PXDN: variants seen among roughly 807,000 people sequenced by gnomAD.
PXDN encodes peroxidasin.
A neutral mutation model predicts 140.3 loss-of-function variants in PXDN; 77 were observed. The observed-to-expected ratio is 0.55, with a 90% CI of 0.46 to 0.66. The LOEUF is 0.66. Among genes scored for constraint, PXDN ranks in the 30% least tolerant of loss-of-function variants. The pLI is 0.00. For missense variants in PXDN, 1,838 were observed against 2,039.5 expected (o/e 0.90, Z 1.90); for synonymous variants, 911 against 857.4 (o/e 1.06, Z -1.09).
At position 1,744,387 on chromosome 2, in the gene PXDN, C is replaced by T. The variant is rs995355920; in HGVS notation, c.69G>A (p.Gly23=). 6.6e-7 allele frequency: 1 copy of T among 1,526,132 alleles called. No individual in the cohort carries two copies. Among genetic ancestry groups the T allele is most frequent in the Non-Finnish European group, 8.7e-7 (1 of 1,143,250 alleles). The allele number at this position is 1,526,132 out of a possible 1,614,324, so 94.5% of individuals were successfully genotyped here. Residue 23 remains glycine (G), a synonymous_variant, in exon 1 of 23, where the codon GGG becomes GGA. Transcript: ENST00000252804. The stretch of plus-strand genomic sequence containing the variant: ...GCTTCTGGGCCACCACGGCCAGCGT[C>T]CCCCAGGCGCAGAACAGCACGAGCG... ...LLALVLFCAW[G]TLAVVAQKPG... is the part of the protein sequence containing the mutation.
chr2:1,639,404 T>G lies in PXDN; in HGVS notation c.3971A>C (p.Gln1324Pro), dbSNP rs1682661167. ...GAAATGATAGGAAAAGGCATTGAAC[T>G]GCCCCCTGGTCCTACAGTCTAAAAT... ...DCCEDCRTRGQFNAFSYHFRG... is the reference protein window; with the variant it reads ...DCCEDCRTRGPFNAFSYHFRG... Residue 1324 changes from glutamine (Q) to proline (P), a missense_variant, in exon 20 of 23, where the codon CAG (glutamine) becomes CCG (proline). Around this residue, in one of 5 missense-constraint regions of PXDN, gnomAD observed 850 missense variants for 894.1 expected, o/e 0.95. Coordinates refer to ENST00000252804, the MANE Select transcript of PXDN (RefSeq NM_012293.3). This position sits in a 1 kb window ranked among gnomAD's most constrained non-coding sequence, Gnocchi z 5.0. The G allele has an allele frequency of 6.2e-7, 1 of 1,613,876 alleles. No homozygotes were observed. The highest frequency in any genetic ancestry group is 8.5e-7 in the Non-Finnish European group (1 of 1,179,880).
rs73178782 is a variant in PXDN at position 1,647,051 on chromosome 2, C to G, written c.3608+1121G>C. On this transcript the variant is annotated intron_variant, in intron 17 of 22. Transcript: ENST00000252804. ...CTGGGATTACAGGCGCCTGCCACCA[C>G]GCCCAGCTAATTTTTGTAGTTTTTA... Among the ~76,000 whole-genome samples, 1,227 of 152,060 alleles carry G rather than the reference C, an allele frequency of 8.1e-3. 67 individuals carry two copies. The East Asian group carries it at 0.13, about 16-fold the overall frequency.
At chr2:1,726,631 G>A (rs1685192193) in intron 1 of PXDN, among the ~76,000 whole-genome samples, 1 of 152,082 alleles carries the variant, frequency 6.6e-6, no homozygotes, top group African/African-American at 2.4e-5. Flanking sequence ...GCCCATTTTA[G>A]CAAGCTTGTT....
In PXDN at chr2:1,698,460, G is replaced by A. The variant is rs139562110; in HGVS notation, c.201-5326C>T. Among the ~76,000 whole-genome samples, 115 of 152,246 alleles carry A rather than the reference G, an allele frequency of 7.6e-4. 1 individual carries two copies. Among genetic ancestry groups the A allele is most frequent in the African/African-American group, 2.6e-3 (110 of 41,548 alleles). ...CTGGGGAAATGGTCGAGCACACTAA[G>A]GCACAGCACATGAAGGTGGCTGACT... On this transcript the variant is annotated intron_variant, in intron 1 of 22. Coordinates refer to ENST00000252804, the MANE Select transcript of PXDN (RefSeq NM_012293.3).
chr2:1,645,636 C>T (rs760877583), intron 17 of PXDN, among the ~76,000 whole-genome samples: 3 of 152,196 alleles, frequency 2.0e-5, no homozygotes, highest in Non-Finnish European at 4.4e-5. Flanking sequence ...AGCATTTAGT[C>T]TTTCAAAGAC....
intron 7 of PXDN, among the ~76,000 whole-genome samples, chr2:1,679,854 CGT>C (rs1464411092): frequency 4.0e-5 from 4 of 99,816 alleles, no homozygotes; most frequent in African/African-American, 1.4e-4. Context: ...TGTGTATGTG[CGT>C]GTGTGTGGTT....
Position 1,718,134 on chromosome 2 carries a change from C to G in PXDN, c.201-25000G>C, listed in dbSNP as rs1233295642. ...CCAACTACCCAACCACTCTACTAAC[C>G]TACTCTGCTAACCGACCACCCAAAG... On this transcript the variant is annotated intron_variant, in intron 1 of 22. Coordinates refer to ENST00000252804, the MANE Select transcript of PXDN (RefSeq NM_012293.3). Among the ~76,000 whole-genome samples the G allele has an allele frequency of 2.6e-5, 4 of 151,446 alleles. No homozygotes were observed. The East Asian group carries it at 7.8e-4, about 30-fold the overall frequency.
intron 7 of PXDN, 38 bp downstream of exon 7, chr2:1,680,155 T>G: frequency 1.3e-6 from 2 of 1,512,168 alleles, no homozygotes. Context: ...GTAGATGGTG[T>G]GAGTGTGTGG....
intron 1 of PXDN, among the ~76,000 whole-genome samples, chr2:1,743,145 A>C (rs1685586175): frequency 6.6e-6 from 1 of 152,100 alleles, no homozygotes; most frequent in Non-Finnish European, 1.5e-5. Flanking sequence ...CCTGCAGCGA[A>C]CTCTGGCGGC....
rs1333696003 is a variant in PXDN, at chr2:1,744,357, G to A, written c.99C>T (p.Gly33=). The change falls in exon 1 of 23, where the codon GGC becomes GGT. Residue 33 remains glycine (G), a synonymous_variant. Transcript: ENST00000252804. ...GTLAVVAQKP[G]AGCPSRCLCF... is the part of the protein sequence containing the mutation. ...ACAGGCAGCGGCTCGGACACCCTGC[G>A]CCCGGCTTCTGGGCCACCACGGCCA... 3 of 1,527,166 alleles carry A rather than the reference G, an allele frequency of 2.0e-6. No individual in the cohort carries two copies. The highest frequency in any genetic ancestry group is 2.5e-5 in the East Asian group (1 of 40,010). 94.6% of individuals were successfully genotyped at this position (1,527,166 alleles called of 1,614,324 possible).
chr2:1,658,147 G>C (rs1244073702), intron 14 of PXDN, among the ~76,000 whole-genome samples: 5 of 147,182 alleles, frequency 3.4e-5, no homozygotes, highest in African/African-American at 1.3e-4. Flanking sequence ...ATTCTGCCTT[G>C]CCCGCCCGGC....
chr2:1,651,785 C>T lies in PXDN; in HGVS notation c.2104+1843G>A, dbSNP rs1683020325. Among the ~76,000 whole-genome samples the T allele has an allele frequency of 6.6e-6, 1 of 152,254 alleles. No individual in the cohort carries two copies. On this transcript the variant is annotated intron_variant, in intron 16 of 22. Transcript: ENST00000252804. The surrounding 1 kb of genome is among the most constrained non-coding windows in gnomAD (Gnocchi z 4.4). ...ACCACCCACCTCCCGCCTGCTGTTT[C>T]TCTCTGGGTCACTCGCTGGGGCTTC...
At chr2:1,694,430 CAG>C (rs1215552482) in intron 1 of PXDN, among the ~76,000 whole-genome samples, 1 of 152,208 alleles carries the variant, frequency 6.6e-6, no homozygotes, top group African/African-American at 2.4e-5. Context: ...GCCTAGATGT[CAG>C]TGAATGAAAT....
At chr2:1,664,753 T>A (rs2125426509) in intron 11 of PXDN, 1 of 549,488 alleles carries the variant, frequency 1.8e-6, no homozygotes, top group East Asian at 2.9e-5. Context: ...TGCCATGATG[T>A]CCATGAGGGA....
chr2:1,637,205 AC>A lies in PXDN; in HGVS notation c.4206+1640del, dbSNP rs538544579. ...CCCTGAATGACCTTGGGGTTCACAG[AC>A]CCCCCTCCCCAGTGGACCCCCCTAG... On this transcript the variant is annotated intron_variant, in intron 21 of 22. Transcript: ENST00000252804. The A allele has an allele frequency of 4.4e-3, 662 of 152,180 alleles. 2 individuals carry two copies. The highest frequency in any genetic ancestry group is 7.4e-3 in the Non-Finnish European group (505 of 68,324). 9.4% of individuals were successfully genotyped at this position (152,180 alleles called of 1,614,324 possible). A position where few individuals can be genotyped will look rare whatever the true frequency, so the allele number is the denominator to read the frequency against.
intron 1 of PXDN, among the ~76,000 whole-genome samples, chr2:1,701,359 C>T (rs375081533): frequency 9.2e-5 from 14 of 152,320 alleles, no homozygotes; most frequent in African/African-American, 3.1e-4. Flanking sequence ...ATAATGTACT[C>T]GCTTCTGTAC....
At position 1,649,089 on chromosome 2, in the gene PXDN, C is replaced by T; in HGVS notation, c.2691G>A (p.Val897=). 1 of 1,612,776 alleles carries T rather than the reference C, an allele frequency of 6.2e-7. No homozygotes were observed. The highest frequency in any genetic ancestry group is 8.5e-7 in the Non-Finnish European group (1 of 1,179,864). Residue 897 remains valine (V), a synonymous_variant, in exon 17 of 23, where the codon GTG becomes GTA. Transcript: ENST00000252804. This position sits in a 1 kb window ranked among gnomAD's most constrained non-coding sequence, Gnocchi z 7.1. The part of the protein sequence containing the change: ...SGMTSLLMNS[V]YPREQINQLT... ...GCTGGTTGATCTGCTCCCGCGGGTACACGGAGTTCATGAGCAGCGAAGTCA... is the reference window on the plus strand; with the variant it reads ...GCTGGTTGATCTGCTCCCGCGGGTATACGGAGTTCATGAGCAGCGAAGTCA...
chr2:1,650,413 C>T (rs1185215480), intron 16 of PXDN, among the ~76,000 whole-genome samples: 4 of 152,200 alleles, frequency 2.6e-5, no homozygotes, highest in Admixed American at 1.3e-4. Flanking sequence ...GCTCAGAGAC[C>T]TTCTGTCTTT....
At chr2:1,641,792 A>G (rs1484330933) in intron 19 of PXDN, among the ~76,000 whole-genome samples, 1 of 152,236 alleles carries the variant, frequency 6.6e-6, no homozygotes, top group African/African-American at 2.4e-5. Flanking sequence ...GGATTTTCTT[A>G]GCAAAAGAAC....
Sources: gnomAD v4.1 joint callset for allele counts (sites outside exome capture counted in the v4.1 genomes callset) on GRCh38, gnomAD v4.1.1 for gene constraint, gnomAD v4.1.1 regional missense constraint, Gnocchi (gnomAD v3.1) non-coding constraint, MANE v1.5 for transcripts, NCBI Gene and HGNC (gene_info 2026-07-23, HGNC 2026-07-21) for gene names.